RANBP17: variants seen among roughly 807,000 people sequenced by gnomAD.
The protein encoded by RANBP17 is ran-binding protein 17.
Under a neutral mutation model 141.2 loss-of-function variants are expected in RANBP17, and 158 were observed. The ratio of observed to expected loss-of-function variants is 1.12; its 90% CI spans 0.98 to 1.28. RANBP17 has a LOEUF of 1.28. Among genes scored for constraint, RANBP17 ranks in the 50% most tolerant of loss-of-function variants. The pLI is 0.00. For missense variants in RANBP17, 1,438 were observed against 1,290.7 expected, an observed-to-expected ratio of 1.11 and a Z score of -1.75; for synonymous variants, 430 against 450.0, an observed-to-expected ratio of 0.96 and a Z score of 0.56.
In RANBP17 at chr5:171,241,104, G is replaced by T; in HGVS notation, c.2599G>T (p.Val867Phe). The T allele has an allele frequency of 6.2e-7, 1 of 1,613,672 alleles. No homozygotes were observed. The change falls in exon 23 of 28, where the codon GTC (valine) becomes TTC (phenylalanine). Residue 867 changes from valine (V) to phenylalanine (F), a missense_variant. Val to Phe is a conservative substitution (Grantham distance 50). Transcript: ENST00000523189. ...NHFDNVLQAF[V>F]KMLLSVSHSD... ...TTTTGACAATGTACTCCAGGCTTTT[G>T]TCAAAATGCTGCTGTCAGTGTCCCA...
At chr5:171,136,018 A>G (rs1757254251) in intron 14 of RANBP17, among the ~76,000 whole-genome samples, 1 of 152,212 alleles carries the variant, frequency 6.6e-6, no homozygotes, top group Non-Finnish European at 1.5e-5. Flanking sequence ...ACATGTGAGG[A>G]CAGGTGCTAT....
At chr5:171,011,462 T>C (rs1780027082) in intron 14 of RANBP17, among the ~76,000 whole-genome samples, 1 of 152,010 alleles carries the variant, frequency 6.6e-6, no homozygotes, top group Non-Finnish European at 1.5e-5. Flanking sequence ...CCATTTTTCA[T>C]GATAATTATG....
In RANBP17 at chr5:171,083,397, C is replaced by G. The variant is rs1328976786; in HGVS notation, c.1711-86733C>G. Among the ~76,000 whole-genome samples, 7 of 152,222 alleles carry G rather than the reference C, an allele frequency of 4.6e-5. No individual in the cohort carries two copies. In the East Asian group the frequency reaches 1.2e-3, roughly 25 times the overall value. On this transcript the variant is annotated intron_variant, in intron 14 of 27. Transcript: ENST00000523189. ...ACCCAGAAGAGGGCCCTCACCAGAC[C>G]TGACTATGCTGGCATCCTTATATTG...
intron 12 of RANBP17, among the ~76,000 whole-genome samples, chr5:170,937,402 T>A (rs1479976546): frequency 6.6e-6 from 1 of 152,240 alleles, no homozygotes; most frequent in Non-Finnish European, 1.5e-5. Context: ...ACATTGGGCC[T>A]GTCCTAGGCT....
chr5:171,184,665 G>A (rs1761113568), intron 18 of RANBP17, among the ~76,000 whole-genome samples: 1 of 152,142 alleles, frequency 6.6e-6, no homozygotes. Flanking sequence ...TTGTCAATTA[G>A]TTAGATTTAG....
rs200991489 is a variant in RANBP17 at position 170,884,911 on chromosome 5, A to ATCT, written c.256+3016_256+3018dup. On this transcript the variant is annotated intron_variant, in intron 3 of 27. Transcript: ENST00000523189. ...CAGAAGCACTCATCTCCATAAAATC[A>ATCT]TCTGTAAATTCTGATGTTTCTTTTG... 7.1e-4 allele frequency among the ~76,000 whole-genome samples: 62 copies of ATCT among 87,744 alleles called. 2 individuals carry two copies. In the South Asian group the frequency reaches 0.066, roughly 93 times the overall value. The allele number at this position is 87,744 out of a possible 152,430, so 57.6% of individuals were successfully genotyped here. A position where few individuals can be genotyped will look rare whatever the true frequency, so the allele number is the denominator to read the frequency against.
chr5:170,945,836 G>A (rs1169620818), intron 12 of RANBP17, among the ~76,000 whole-genome samples: 1 of 152,112 alleles, frequency 6.6e-6, no homozygotes, highest in Non-Finnish European at 1.5e-5. Context: ...AGTGTGAAAT[G>A]TCTCCTTGGT....
At chr5:171,243,117 C>A in intron 24 of RANBP17, 1 of 274,002 alleles carries the variant, frequency 3.6e-6, no homozygotes. Flanking sequence ...ACAAACATAA[C>A]CACCACGACC....
intron 24 of RANBP17, among the ~76,000 whole-genome samples, chr5:171,246,179 C>A (rs1221834358): frequency 6.6e-6 from 1 of 152,200 alleles, no homozygotes; most frequent in Non-Finnish European, 1.5e-5. Flanking sequence ...CCGCACCCGG[C>A]CTTTTCTCAT....
At chr5:170,928,025 C>T (rs1279444841) in intron 12 of RANBP17, among the ~76,000 whole-genome samples, 1 of 152,058 alleles carries the variant, frequency 6.6e-6, no homozygotes, top group Non-Finnish European at 1.5e-5. Context: ...TGCATCCCTG[C>T]CATCATTTGC....
At chr5:171,148,829 G>A (rs1033972486) in intron 14 of RANBP17, among the ~76,000 whole-genome samples, 1 of 152,044 alleles carries the variant, frequency 6.6e-6, no homozygotes, top group African/African-American at 2.4e-5. Flanking sequence ...TTTCTTCAGT[G>A]GTAAAATTGT....
At chr5:170,880,079 C>T (rs1474586094) in intron 2 of RANBP17, among the ~76,000 whole-genome samples, 1 of 152,194 alleles carries the variant, frequency 6.6e-6, no homozygotes, top group African/African-American at 2.4e-5. Context: ...ACTAGTGTGA[C>T]ATATCGTAGC....
intron 14 of RANBP17, among the ~76,000 whole-genome samples, chr5:171,091,544 T>G (rs1677167981): frequency 6.6e-6 from 1 of 152,148 alleles, no homozygotes; most frequent in Non-Finnish European, 1.5e-5. Context: ...ATGATTGGTT[T>G]TGAAATGTAA....
At chr5:170,872,463 G>A (rs372346908) in intron 1 of RANBP17, among the ~76,000 whole-genome samples, 1 of 151,742 alleles carries the variant, frequency 6.6e-6, no homozygotes, top group African/African-American at 2.4e-5. Context: ...CTGCAGAGAT[G>A]ATTTGACTTC....
chr5:170,959,209 T>C (rs1046078404), intron 13 of RANBP17, among the ~76,000 whole-genome samples: 2 of 152,184 alleles, frequency 1.3e-5, no homozygotes, highest in African/African-American at 4.8e-5. Context: ...ATCAAGACTT[T>C]AATAACTAGC....
rs1370845534 is a variant in RANBP17, at chr5:171,124,745, A to C, written c.1711-45385A>C. Reference sequence around the variant, plus strand: ...GCAAAAAAGAAGGGAGTCAAACATCATCACAACAAAAAAAAACCACCAAAT... The same window carrying C: ...GCAAAAAAGAAGGGAGTCAAACATCCTCACAACAAAAAAAAACCACCAAAT... On this transcript the variant is annotated intron_variant, in intron 14 of 27. Transcript: ENST00000523189. 3.3e-5 allele frequency among the ~76,000 whole-genome samples: 5 copies of C among 152,196 alleles called. No homozygotes were observed. In the East Asian group the frequency reaches 9.6e-4, roughly 29 times the overall value.
intron 14 of RANBP17, among the ~76,000 whole-genome samples, chr5:170,999,346 C>T (rs1779043696): frequency 6.6e-6 from 1 of 151,888 alleles, no homozygotes; most frequent in Admixed American, 6.6e-5. Context: ...TATAAGCTGG[C>T]TTTATTTTAT....
intron 14 of RANBP17, among the ~76,000 whole-genome samples, chr5:171,154,062 A>G (rs1490634123): frequency 2.0e-5 from 3 of 151,628 alleles, no homozygotes; most frequent in African/African-American, 7.3e-5. Flanking sequence ...AAAAATTGCA[A>G]ACAAGACCAA....
intron 24 of RANBP17, among the ~76,000 whole-genome samples, chr5:171,256,697 C>G (rs939724486): frequency 6.6e-6 from 1 of 151,742 alleles, no homozygotes; most frequent in Non-Finnish European, 1.5e-5. Flanking sequence ...AGAAAAGACC[C>G]AAATAAAACC....
Sources: gnomAD v4.1 joint callset for allele counts (sites outside exome capture counted in the v4.1 genomes callset) on GRCh38, gnomAD v4.1.1 for gene constraint, MANE v1.5 for transcripts, NCBI Gene and HGNC (gene_info 2026-07-23, HGNC 2026-07-21) for gene names.